Variants in KCNH1 observed in about 807,000 individuals in gnomAD.
KCNH1 encodes voltage-gated delayed rectifier potassium channel KCNH1.
KCNH1 carries 27 observed loss-of-function variants against 69.2 expected under a neutral mutation model. The observed-to-expected ratio is 0.39, with a 90% CI of 0.29 to 0.54. The LOEUF (loss-of-function observed/expected upper bound fraction) is 0.54. Among genes scored for constraint, KCNH1 ranks in the 20% least tolerant of loss-of-function variants. The pLI is 0.68. For missense variants in KCNH1, 798 were observed against 1,261.6 expected (o/e 0.63, Z 5.57); for synonymous variants, 456 against 487.7 (o/e 0.93, Z 0.86).
At chr1:210,841,244 T>G (rs891159224) in intron 7 of KCNH1, among the ~76,000 whole-genome samples, 2 of 152,178 alleles carry the variant, frequency 1.3e-5, no homozygotes, top group Non-Finnish European at 2.9e-5. Context: ...TATACTTGTC[T>G]TCTTCTAAAA....
At chr1:211,073,638 T>C (rs1690684309) in intron 5 of KCNH1, among the ~76,000 whole-genome samples, 1 of 151,834 alleles carries the variant, frequency 6.6e-6, no homozygotes, top group Non-Finnish European at 1.5e-5. Flanking sequence ...AGAATATATC[T>C]CAAGAGAAAA....
At chr1:211,021,944 T>C (rs748824856) in intron 5 of KCNH1, among the ~76,000 whole-genome samples, 10 of 152,118 alleles carry the variant, frequency 6.6e-5, no homozygotes, top group Non-Finnish European at 1.3e-4. Context: ...AAAATACCAA[T>C]GACAATCTTC....
chr1:210,861,077 T>C, intron 7 of KCNH1: 1 of 911,204 alleles, frequency 1.1e-6, no homozygotes, highest in South Asian at 1.4e-5. Context: ...CCTCTTACTA[T>C]GGGCTGTAAA....
At chr1:211,034,479 T>C (rs1247366432) in intron 5 of KCNH1, among the ~76,000 whole-genome samples, 1 of 152,088 alleles carries the variant, frequency 6.6e-6, no homozygotes, top group Non-Finnish European at 1.5e-5. Flanking sequence ...GGTATTCTTA[T>C]GGTGATGAAA....
At position 210,846,237 on chromosome 1, in the gene KCNH1, T is replaced by C. The variant is rs191078126; in HGVS notation, c.1463-42071A>G. On this transcript the variant is annotated intron_variant, in intron 7 of 10. Transcript: ENST00000271751. ...AGAATTGGAAAAAACTACTTTAAAG[T>C]TGATATGGAACCAAAAAAGAGCCCG... 1.4e-4 allele frequency among the ~76,000 whole-genome samples: 21 copies of C among 152,290 alleles called. No individual in the cohort carries two copies. In the East Asian group the frequency reaches 3.1e-3, roughly 22 times the overall value.
intron 5 of KCNH1, among the ~76,000 whole-genome samples, chr1:211,070,435 AC>A (rs1230313202): frequency 1.4e-5 from 2 of 148,008 alleles, no homozygotes. Context: ...AAAAAAACAC[AC>A]ACACACACAC....
At chr1:211,053,020 G>T (rs993544695) in intron 5 of KCNH1, among the ~76,000 whole-genome samples, 1 of 152,188 alleles carries the variant, frequency 6.6e-6, no homozygotes, top group Non-Finnish European at 1.5e-5. Flanking sequence ...TAAAAAAATA[G>T]ATAATTTCCC....
At chr1:210,912,768 G>A (rs2102551579) in intron 7 of KCNH1, among the ~76,000 whole-genome samples, 1 of 152,314 alleles carries the variant, frequency 6.6e-6, no homozygotes, top group East Asian at 1.9e-4. Context: ...GCAGAGGTGG[G>A]CCTGAAAGCC....
At chr1:210,985,762 G>T (rs1190000550) in intron 6 of KCNH1, among the ~76,000 whole-genome samples, 1 of 152,158 alleles carries the variant, frequency 6.6e-6, no homozygotes, top group African/African-American at 2.4e-5. Context: ...ATATTCTGTT[G>T]AGTCGGGGTG....
chr1:210,892,171 C>T (rs376990602), intron 7 of KCNH1, among the ~76,000 whole-genome samples: 1 of 151,900 alleles, frequency 6.6e-6, no homozygotes, highest in Non-Finnish European at 1.5e-5. Context: ...AGGTAACAAA[C>T]CTGCACATTC....
At position 210,977,016 on chromosome 1, in the gene KCNH1, T is replaced by C. The variant is rs540208920; in HGVS notation, c.1032+41767A>G. Among the ~76,000 whole-genome samples the C allele has an allele frequency of 1.1e-3, 162 of 149,980 alleles. 1 individual carries two copies. The highest frequency in any genetic ancestry group is 3.2e-3 in the African/African-American group (130 of 40,690). On this transcript the variant is annotated intron_variant, in intron 6 of 10. Coordinates refer to ENST00000271751, the MANE Select transcript of KCNH1 (RefSeq NM_172362.3). ...AAAGACACATGCACATGTATGTTTA[T>C]TGTGGCACTATTCACAATAGCAAAG...
chr1:210,685,890 G>T (rs181601212), intron 10 of KCNH1, among the ~76,000 whole-genome samples: 20 of 152,192 alleles, frequency 1.3e-4, no homozygotes, highest in Non-Finnish European at 2.1e-4. Context: ...TCAGCAAATC[G>T]CTGGCAGACT....
intron 6 of KCNH1, among the ~76,000 whole-genome samples, chr1:210,945,327 T>C (rs1261167151): frequency 6.6e-6 from 1 of 152,258 alleles, no homozygotes; most frequent in Non-Finnish European, 1.5e-5. Context: ...CACTGTATGT[T>C]ATAAACATGA....
At chr1:210,934,380 C>T (rs1687735499) in intron 6 of KCNH1, among the ~76,000 whole-genome samples, 1 of 152,116 alleles carries the variant, frequency 6.6e-6, no homozygotes, top group South Asian at 2.1e-4. Flanking sequence ...ATGGGCTGGG[C>T]GCGGTGGCTC....
intron 7 of KCNH1, among the ~76,000 whole-genome samples, chr1:210,915,772 A>T (rs1051277748): frequency 1.1e-4 from 16 of 152,226 alleles, no homozygotes; most frequent in Admixed American, 3.3e-4. Flanking sequence ...CCTGCTGCAC[A>T]TCATCCTCTG....
intron 5 of KCNH1, among the ~76,000 whole-genome samples, chr1:211,020,930 G>A (rs1017771899): frequency 7.5e-5 from 9 of 119,338 alleles, no homozygotes; most frequent in Non-Finnish European, 5.1e-5. Context: ...GATAAAATTC[G>A]ATATCCTTTC....
At chr1:210,875,096 T>C (rs1284056108) in intron 7 of KCNH1, among the ~76,000 whole-genome samples, 2 of 152,188 alleles carry the variant, frequency 1.3e-5, no homozygotes, top group Non-Finnish European at 2.9e-5. Context: ...ACATTAAGAA[T>C]TGAAATGAAA....
intron 6 of KCNH1, among the ~76,000 whole-genome samples, chr1:210,932,854 T>C (rs1225736235): frequency 6.6e-6 from 1 of 152,114 alleles, no homozygotes; most frequent in Non-Finnish European, 1.5e-5. Flanking sequence ...CTCTCAGATA[T>C]ATAAAGCAAA....
At chr1:211,060,141 C>G (rs184184308) in intron 5 of KCNH1, among the ~76,000 whole-genome samples, 1 of 151,620 alleles carries the variant, frequency 6.6e-6, no homozygotes, top group East Asian at 1.9e-4. Flanking sequence ...ATCAGCGGGT[C>G]AATGAAGAAA....
Sources: gnomAD v4.1 joint callset for allele counts (sites outside exome capture counted in the v4.1 genomes callset) on GRCh38, gnomAD v4.1.1 for gene constraint, MANE v1.5 for transcripts, NCBI Gene and HGNC (gene_info 2026-07-23, HGNC 2026-07-21) for gene names.